The following NELL1 variants were observed in gnomAD, a reference collection of about 807,000 sequenced individuals.
NELL1 encodes protein kinase C-binding protein NELL1.
NELL1 carries 76 observed loss-of-function variants against 107.4 expected under a neutral mutation model. The ratio of observed to expected loss-of-function variants is 0.71; its 90% CI spans 0.59 to 0.86. The LOEUF is 0.86. Ranked by LOEUF, NELL1 falls within the 40% of genes least tolerant of loss-of-function variation. The probability of loss-of-function intolerance (pLI) is 0.00; values close to 1 mark genes in which losing one functional copy is unlikely to be tolerated. For missense variants in NELL1, 1,024 were observed against 1,005.5 expected, an observed-to-expected ratio of 1.02 and a Z score of -0.25; for synonymous variants, 353 against 341.2, an observed-to-expected ratio of 1.03 and a Z score of -0.38.
At chr11:21,221,363 C>T (rs1857752201) in intron 13 of NELL1, among the ~76,000 whole-genome samples, 1 of 152,028 alleles carries the variant, frequency 6.6e-6, no homozygotes, top group African/African-American at 2.4e-5. Flanking sequence ...ATGTTTTTGT[C>T]TGATTTTAGT....
chr11:20,921,761 G>C (rs546521689), intron 7 of NELL1, among the ~76,000 whole-genome samples: 1 of 148,072 alleles, frequency 6.8e-6, no homozygotes, highest in East Asian at 2.0e-4. Flanking sequence ...AAAGAAGAAG[G>C]TTATGGCAAG....
intron 2 of NELL1, among the ~76,000 whole-genome samples, chr11:20,714,011 T>C (rs1855175458): frequency 6.6e-6 from 1 of 152,110 alleles, no homozygotes; most frequent in South Asian, 2.1e-4. Context: ...CAGTTTTTTG[T>C]CTGTCTCCCA....
At chr11:21,155,821 G>A (rs1324841473) in intron 13 of NELL1, among the ~76,000 whole-genome samples, 1 of 152,206 alleles carries the variant, frequency 6.6e-6, no homozygotes, top group African/African-American at 2.4e-5. Context: ...GAGTTGGGGA[G>A]AGGGAGGAGA....
At chr11:20,707,210 A>G (rs917570732) in intron 2 of NELL1, among the ~76,000 whole-genome samples, 2 of 152,132 alleles carry the variant, frequency 1.3e-5, no homozygotes, top group East Asian at 1.9e-4. Flanking sequence ...GTTCAGCTCT[A>G]TCAGGTCATT....
intron 7 of NELL1, among the ~76,000 whole-genome samples, chr11:20,926,780 T>C (rs1285274415): frequency 1.3e-5 from 2 of 152,164 alleles, no homozygotes; most frequent in African/African-American, 4.8e-5. Context: ...GCATTCTGTT[T>C]GGGGGATCCG....
At chr11:21,192,697 TAAG>T (rs1382683971) in intron 13 of NELL1, among the ~76,000 whole-genome samples, 1 of 151,846 alleles carries the variant, frequency 6.6e-6, no homozygotes, top group Non-Finnish European at 1.5e-5. Context: ...ATGGAAATTT[TAAG>T]AAGTAGAGGT....
Position 21,103,158 on chromosome 11 carries a change from C to T in NELL1, c.1301-10431C>T, listed in dbSNP as rs190995486. Among the ~76,000 whole-genome samples the T allele has an allele frequency of 2.6e-5, 4 of 152,250 alleles. No individual in the cohort carries two copies. In the East Asian group the frequency reaches 5.8e-4, roughly 22 times the overall value. On this transcript the variant is annotated intron_variant, in intron 12 of 19. Coordinates refer to ENST00000357134, the MANE Select transcript of NELL1 (RefSeq NM_006157.5). Reference sequence around the variant, plus strand: ...AACTACCTGCTCATAGGTCCACAGGCCCTTGTTTGTTTGTGTAATTCAGTC... The same window carrying T: ...AACTACCTGCTCATAGGTCCACAGGTCCTTGTTTGTTTGTGTAATTCAGTC...
At chr11:20,975,896 A>G (rs934372839) in intron 12 of NELL1, among the ~76,000 whole-genome samples, 2 of 109,736 alleles carry the variant, frequency 1.8e-5, no homozygotes, top group Non-Finnish European at 3.5e-5. Context: ...TATTATATAT[A>G]CATATATGTG....
chr11:20,690,514 T>A (rs1286880679), intron 2 of NELL1, among the ~76,000 whole-genome samples: 4 of 149,864 alleles, frequency 2.7e-5, no homozygotes, highest in Non-Finnish European at 6.0e-5. Flanking sequence ...TAGCCAGTTT[T>A]CCCAGCACCA....
At chr11:21,351,088 C>A (rs947108912) in intron 14 of NELL1, among the ~76,000 whole-genome samples, 1 of 151,880 alleles carries the variant, frequency 6.6e-6, no homozygotes, top group Admixed American at 6.6e-5. Flanking sequence ...CACAGAGCAC[C>A]TAGAGGAAAG....
chr11:20,766,495 T>A (rs1159272839), intron 2 of NELL1, among the ~76,000 whole-genome samples: 5 of 152,188 alleles, frequency 3.3e-5, no homozygotes, highest in Non-Finnish European at 7.3e-5. Context: ...GCATCCTTTT[T>A]TGGTATTTCA....
rs140954464 is a variant in NELL1, at chr11:21,062,285, G to A, written c.1301-51304G>A. ...TACATAAAATATATAATGAACATTA[G>A]CTTTACCCTTTTGAATTTGTTAACG... On this transcript the variant is annotated intron_variant, in intron 12 of 19. Transcript: ENST00000357134. Among the ~76,000 whole-genome samples the A allele has an allele frequency of 4.5e-3, 684 of 152,206 alleles. 7 individuals are homozygous for A. Among genetic ancestry groups the A allele is most frequent in the African/African-American group, 0.016 (648 of 41,538 alleles).
intron 14 of NELL1, among the ~76,000 whole-genome samples, chr11:21,278,233 C>A (rs1848915182): frequency 6.6e-6 from 1 of 152,040 alleles, no homozygotes; most frequent in Non-Finnish European, 1.5e-5. Context: ...AGGAAGAAGG[C>A]AAGTATATCC....
At chr11:21,243,587 G>T (rs537966147) in intron 14 of NELL1, among the ~76,000 whole-genome samples, 10 of 152,178 alleles carry the variant, frequency 6.6e-5, no homozygotes, top group Admixed American at 2.6e-4. Context: ...AGCAAAATGC[G>T]CACATGCACA....
chr11:21,203,249 G>A lies in NELL1; in HGVS notation c.1427-26083G>A, dbSNP rs545099149. ...TAAAGTCTCCCACTATTATTGGGTG[G>A]GAGTCTAAGTCTCTTTGTAGGTCTC... On this transcript the variant is annotated intron_variant, in intron 13 of 19. Coordinates refer to ENST00000357134, the MANE Select transcript of NELL1 (RefSeq NM_006157.5). 2.6e-5 allele frequency among the ~76,000 whole-genome samples: 4 copies of A among 152,178 alleles called. No individual in the cohort carries two copies. The South Asian group carries it at 8.3e-4, about 32-fold the overall frequency.
intron 12 of NELL1, among the ~76,000 whole-genome samples, chr11:21,110,744 G>A (rs747618923): frequency 2.0e-5 from 3 of 152,138 alleles, no homozygotes; most frequent in African/African-American, 7.2e-5. Flanking sequence ...ATGGAGTTCA[G>A]TGTGGCTGTA....
chr11:20,866,944 G>A (rs796955455), intron 4 of NELL1, among the ~76,000 whole-genome samples: 41 of 152,296 alleles, frequency 2.7e-4, no homozygotes, highest in African/African-American at 9.9e-4. Flanking sequence ...AACAATATTT[G>A]TTGAATGAAT....
chr11:21,062,461 A>G (rs937349377), intron 12 of NELL1, among the ~76,000 whole-genome samples: 5 of 152,330 alleles, frequency 3.3e-5, no homozygotes, highest in Admixed American at 2.6e-4. Flanking sequence ...TTATTAATAA[A>G]TCTATTAACT....
chr11:21,427,778 A>C (rs1399667159), intron 15 of NELL1, among the ~76,000 whole-genome samples: 5 of 152,126 alleles, frequency 3.3e-5, no homozygotes, highest in Non-Finnish European at 5.9e-5. Context: ...AGGTAAAAGA[A>C]ACCCAAGAAG....
Sources: allele counts gnomAD v4.1 joint callset (sites outside exome capture counted in the v4.1 genomes callset), GRCh38; gene constraint gnomAD v4.1.1; transcripts MANE v1.5; gene names NCBI Gene and HGNC (gene_info 2026-07-23, HGNC 2026-07-21).